TRAK2: variants seen among roughly 807,000 people sequenced by gnomAD.
The protein encoded by TRAK2 is trafficking kinesin protein 2.
Under a neutral mutation model 104.6 loss-of-function variants are expected in TRAK2, and 81 were observed. The ratio of observed to expected loss-of-function variants is 0.77; its 90% CI spans 0.65 to 0.93. TRAK2 has a LOEUF of 0.93. Ranked by LOEUF, TRAK2 falls within the 40% of genes least tolerant of loss-of-function variation. The pLI, the probability that TRAK2 is intolerant of heterozygous loss-of-function variation, is 0.00. For missense variants in TRAK2, 1,002 were observed against 1,089.0 expected (o/e 0.92, Z 1.12); for synonymous variants, 406 against 394.4 (o/e 1.03, Z -0.35).
At chr2:201,408,178 T>C (rs1951613228) in intron 2 of TRAK2, among the ~76,000 whole-genome samples, 1 of 152,178 alleles carries the variant, frequency 6.6e-6, no homozygotes, top group Non-Finnish European at 1.5e-5. Context: ...GTAACCACTA[T>C]TCTACTCTCT....
At chr2:201,438,361 ATAGT>A (rs1047756635) in intron 1 of TRAK2, among the ~76,000 whole-genome samples, 1 of 152,198 alleles carries the variant, frequency 6.6e-6, no homozygotes, top group African/African-American at 2.4e-5. Flanking sequence ...TTTCCTAATA[ATAGT>A]TAGCTGATTG....
intron 1 of TRAK2, among the ~76,000 whole-genome samples, chr2:201,437,383 A>G (rs906391494): frequency 7.2e-5 from 11 of 152,154 alleles, no homozygotes; most frequent in African/African-American, 2.4e-4. Context: ...TCAATTTCCA[A>G]CTACACTATA....
intron 1 of TRAK2, among the ~76,000 whole-genome samples, chr2:201,449,407 G>A (rs1951991793): frequency 1.3e-5 from 2 of 151,728 alleles, no homozygotes; most frequent in Non-Finnish European, 2.9e-5. Flanking sequence ...TTGTTAAAGT[G>A]ATTAAGTGAG....
In TRAK2 at chr2:201,381,089, T is replaced by C; in HGVS notation, c.2199A>G (p.Thr733=). 1 of 1,614,042 alleles carries C rather than the reference T, an allele frequency of 6.2e-7. No homozygotes were observed. ...ESITNRRDST[T]TFSSTMSLAK... Reference sequence around the variant, plus strand: ...CCAAGCTCATGGTGCTACTGAAGGTTGTAGTGGAATCTCGTCGGTTGGTGA... The same window carrying C: ...CCAAGCTCATGGTGCTACTGAAGGTCGTAGTGGAATCTCGTCGGTTGGTGA... Residue 733 remains threonine (T), a synonymous_variant, in exon 16 of 16, where the codon ACA becomes ACG. Transcript: ENST00000332624.
chr2:201,427,786 C>T (rs887344900), intron 1 of TRAK2, among the ~76,000 whole-genome samples: 1 of 152,168 alleles, frequency 6.6e-6, no homozygotes, highest in Non-Finnish European at 1.5e-5. Context: ...ACGCTCCCAC[C>T]AACAGTGTAA....
chr2:201,430,230 T>C (rs1279215035), intron 1 of TRAK2, among the ~76,000 whole-genome samples: 1 of 152,218 alleles, frequency 6.6e-6, no homozygotes, highest in African/African-American at 2.4e-5. Flanking sequence ...GAGGTGTCAG[T>C]CAGCCCCTCC....
intron 2 of TRAK2, among the ~76,000 whole-genome samples, chr2:201,415,226 T>G (rs937900248): frequency 3.3e-5 from 5 of 152,174 alleles, no homozygotes; most frequent in Admixed American, 2.6e-4. Flanking sequence ...CTCAAAGGGT[T>G]AACCTTATCA....
intron 1 of TRAK2, among the ~76,000 whole-genome samples, chr2:201,444,764 G>A (rs1951952016): frequency 6.6e-6 from 1 of 151,806 alleles, no homozygotes; most frequent in South Asian, 2.1e-4. Context: ...GGAAAGAGAG[G>A]GTGCCATTTT....
At chr2:201,395,529 T>G in intron 7 of TRAK2, 85 bp from the exon 8 acceptor site, 1 of 1,353,422 alleles carries the variant, frequency 7.4e-7, no homozygotes, top group Non-Finnish European at 9.8e-7. Context: ...AAATCTTGTT[T>G]TATAACAAGC....
At chr2:201,398,412 A>G (rs1345716415) in intron 5 of TRAK2, 58 bp from the exon 6 acceptor site, 3 of 1,408,192 alleles carry the variant, frequency 2.1e-6, no homozygotes, top group Non-Finnish European at 2.9e-6. Flanking sequence ...TTATAGCAAT[A>G]TAGCTTCTAA....
chr2:201,398,418 T>A lies in TRAK2; in HGVS notation c.481-64A>T. On this transcript the variant is annotated intron_variant, in intron 5 of 15. Coordinates refer to ENST00000332624, the MANE Select transcript of TRAK2 (RefSeq NM_015049.3). ...TTGCATTATTTATAGCAATATAGCT[T>A]CTAATTCATGGAACAATTATTTTTC... 5 of 1,374,458 alleles carry A rather than the reference T, an allele frequency of 3.6e-6. No homozygotes were observed. In the African/African-American group the frequency reaches 4.3e-5, roughly 12 times the overall value. The allele number at this position is 1,374,458 out of a possible 1,614,324, so 85.1% of individuals were successfully genotyped here.
chr2:201,414,102 C>T (rs564096968), intron 2 of TRAK2, among the ~76,000 whole-genome samples: 2 of 152,254 alleles, frequency 1.3e-5, no homozygotes, highest in Non-Finnish European at 2.9e-5. Flanking sequence ...GGGTATCTGG[C>T]AGATCACAGG....
intron 3 of TRAK2, among the ~76,000 whole-genome samples, chr2:201,406,115 T>G (rs1397503654): frequency 6.6e-6 from 1 of 152,234 alleles, no homozygotes; most frequent in East Asian, 1.9e-4. Flanking sequence ...ATTCTCAAAC[T>G]AAAACGTCAA....
intron 6 of TRAK2, 63 bp downstream of exon 6, chr2:201,398,082 G>A: frequency 6.8e-7 from 1 of 1,481,070 alleles, no homozygotes; most frequent in Non-Finnish European, 9.4e-7. Context: ...CACCTCAATA[G>A]TACCTGGACC....
intron 1 of TRAK2, among the ~76,000 whole-genome samples, chr2:201,438,278 C>T (rs1559454840): frequency 6.6e-6 from 1 of 152,316 alleles, no homozygotes; most frequent in East Asian, 1.9e-4. Context: ...GATAAAGACA[C>T]AAGGGCCTTC....
At chr2:201,398,029 C>T (rs1237974324) in intron 6 of TRAK2, 116 bp downstream of exon 6, 1 of 980,348 alleles carries the variant, frequency 1.0e-6, no homozygotes, top group African/African-American at 1.6e-5. Context: ...CCACGACTCT[C>T]TAATTGGAAT....
intron 1 of TRAK2, among the ~76,000 whole-genome samples, chr2:201,446,836 A>G (rs1017445767): frequency 6.6e-6 from 1 of 152,254 alleles, no homozygotes; most frequent in African/African-American, 2.4e-5. Flanking sequence ...AAAAATCTGA[A>G]TATTCTGATA....
chr2:201,449,613 T>C (rs912757152), intron 1 of TRAK2, among the ~76,000 whole-genome samples: 1 of 151,190 alleles, frequency 6.6e-6, no homozygotes, highest in Non-Finnish European at 1.5e-5. Flanking sequence ...GCCTCCTCAG[T>C]AGCTGGGACT....
At chr2:201,392,882 T>A in intron 10 of TRAK2, 27 bp downstream of exon 10, 3 of 1,595,484 alleles carry the variant, frequency 1.9e-6, no homozygotes, top group Non-Finnish European at 2.6e-6. Flanking sequence ...TTTCTTTAAA[T>A]ACATAGCATC....
Sources: gnomAD v4.1 joint callset for allele counts (sites outside exome capture counted in the v4.1 genomes callset) on GRCh38, gnomAD v4.1.1 for gene constraint, MANE v1.5 for transcripts, NCBI Gene and HGNC (gene_info 2026-07-23, HGNC 2026-07-21) for gene names.